The following LTBP1 variants were observed in gnomAD, a reference collection of about 807,000 sequenced individuals.
The protein encoded by LTBP1 is latent-transforming growth factor beta-binding protein 1.
In LTBP1, 129 loss-of-function variants were observed where a neutral mutation model predicts 207.6. The observed-to-expected ratio is 0.62, with a 90% CI of 0.54 to 0.72. The LOEUF is 0.72. Ranked by LOEUF, LTBP1 falls within the 30% of genes least tolerant of loss-of-function variation. The pLI is 0.00. For synonymous variants in LTBP1, 963 were observed against 833.7 expected (o/e 1.16, Z -2.67); for missense variants, 2,281 against 2,217.2 (o/e 1.03, Z -0.58).
intron 3 of LTBP1, among the ~76,000 whole-genome samples, chr2:33,024,396 G>T (rs2075316908): frequency 6.6e-6 from 1 of 152,182 alleles, no homozygotes; most frequent in African/African-American, 2.4e-5. Flanking sequence ...CCTGCGATAA[G>T]TGCATGAACC....
rs545298119 is a variant in LTBP1, at chr2:33,232,870, A to G, written c.1876+10719A>G. 2.0e-4 allele frequency among the ~76,000 whole-genome samples: 30 copies of G among 152,246 alleles called. No homozygotes were observed. In the South Asian group the frequency reaches 5.8e-3, roughly 29 times the overall value. On this transcript the variant is annotated intron_variant, in intron 9 of 33. Coordinates refer to ENST00000404816, the MANE Select transcript of LTBP1 (RefSeq NM_206943.4). ...TATAATGAGACTACTCGTGTGTACA[A>G]TTCCAGGTTGATAGTTGTTTTCTAG...
At chr2:33,073,630 T>A (rs941147974) in intron 3 of LTBP1, among the ~76,000 whole-genome samples, 2 of 151,934 alleles carry the variant, frequency 1.3e-5, no homozygotes, top group Non-Finnish European at 2.9e-5. Flanking sequence ...TTTTCTTCTT[T>A]CTTTCTTTTT....
At chr2:33,050,318 A>G (rs933678207) in intron 3 of LTBP1, among the ~76,000 whole-genome samples, 3 of 152,218 alleles carry the variant, frequency 2.0e-5, no homozygotes, top group South Asian at 2.1e-4. Context: ...TCTGTAGCAC[A>G]TTCAGGTGAC....
intron 2 of LTBP1, among the ~76,000 whole-genome samples, chr2:32,988,131 T>C (rs916354793): frequency 6.6e-6 from 1 of 152,218 alleles, no homozygotes; most frequent in African/African-American, 2.4e-5. Flanking sequence ...TTCAGAGGGA[T>C]TGTGGCCCTG....
intron 5 of LTBP1, among the ~76,000 whole-genome samples, chr2:33,156,233 C>G (rs1382233063): frequency 6.6e-6 from 1 of 152,162 alleles, no homozygotes; most frequent in Non-Finnish European, 1.5e-5. Flanking sequence ...GTTTTGAACC[C>G]AGATCCTTCA....
chr2:33,201,305 T>C (rs927087901), intron 7 of LTBP1, among the ~76,000 whole-genome samples: 2 of 152,040 alleles, frequency 1.3e-5, no homozygotes, highest in Non-Finnish European at 2.9e-5. Flanking sequence ...CCATAAAAAA[T>C]GATGAGTTCA....
intron 28 of LTBP1, 33 bp downstream of exon 28, chr2:33,361,548 A>AT: frequency 7.0e-7 from 1 of 1,426,940 alleles, no homozygotes; most frequent in Non-Finnish European, 9.9e-7. Flanking sequence ...TTTTCAGCAC[A>AT]TTGTGTACAT....
At chr2:32,995,788 C>T (rs1462864959) in intron 2 of LTBP1, among the ~76,000 whole-genome samples, 1 of 152,128 alleles carries the variant, frequency 6.6e-6, no homozygotes, top group Non-Finnish European at 1.5e-5. Context: ...GACTCTGTCT[C>T]AAAACAAACA....
chr2:33,334,318 C>T (rs1284306325), intron 24 of LTBP1, among the ~76,000 whole-genome samples: 1 of 152,240 alleles, frequency 6.6e-6, no homozygotes, highest in African/African-American at 2.4e-5. Flanking sequence ...GCCTCTATGC[C>T]ATTACCCATG....
In LTBP1 at chr2:33,039,054, C is replaced by T. The variant is rs142148095; in HGVS notation, c.863+17848C>T. 2.7e-3 allele frequency among the ~76,000 whole-genome samples: 407 copies of T among 152,266 alleles called. 2 individuals carry two copies. In the Middle Eastern group the frequency reaches 0.027, roughly 10 times the overall value. On this transcript the variant is annotated intron_variant, in intron 3 of 33. Transcript: ENST00000404816. Reference sequence around the variant, plus strand: ...TCATCTCCTGGTTCTTCATTTTGCTCAGTAGTTTCATTTGGGCAGTCTCTA... The same window carrying T: ...TCATCTCCTGGTTCTTCATTTTGCTTAGTAGTTTCATTTGGGCAGTCTCTA...
At chr2:32,961,581 C>T (rs964386641) in intron 2 of LTBP1, among the ~76,000 whole-genome samples, 7 of 152,078 alleles carry the variant, frequency 4.6e-5, no homozygotes, top group South Asian at 2.1e-4. Flanking sequence ...CTAATTTACA[C>T]GTTGAATTAG....
chr2:33,025,833 C>T (rs1008463619), intron 3 of LTBP1, among the ~76,000 whole-genome samples: 1 of 152,020 alleles, frequency 6.6e-6, no homozygotes, highest in Non-Finnish European at 1.5e-5. Flanking sequence ...ATAGGGGTTT[C>T]TTACAAAATT....
chr2:33,093,803 T>A (rs1385753187), intron 3 of LTBP1, among the ~76,000 whole-genome samples: 2 of 152,088 alleles, frequency 1.3e-5, no homozygotes, highest in East Asian at 1.9e-4. Context: ...ACAGTAATGA[T>A]GATGATGATT....
intron 3 of LTBP1, among the ~76,000 whole-genome samples, chr2:33,056,825 G>A (rs551012885): frequency 3.3e-5 from 5 of 152,112 alleles, no homozygotes; most frequent in East Asian, 3.9e-4. Context: ...AAGGGGACCC[G>A]GACGGGTTGC....
chr2:33,238,852 A>T (rs1573363876), intron 9 of LTBP1, among the ~76,000 whole-genome samples: 1 of 152,210 alleles, frequency 6.6e-6, no homozygotes, highest in Non-Finnish European at 1.5e-5. Flanking sequence ...TAGAAGGAAG[A>T]TGAAGGTCCT....
chr2:33,235,793 T>C (rs1006468731), intron 9 of LTBP1, among the ~76,000 whole-genome samples: 1 of 152,094 alleles, frequency 6.6e-6, no homozygotes, highest in Non-Finnish European at 1.5e-5. Context: ...CTTAGCAAAC[T>C]AACACAGAAG....
Position 32,974,169 on chromosome 2 carries a change from A to C in LTBP1, c.565+25224A>C, listed in dbSNP as rs563368227. On this transcript the variant is annotated intron_variant, in intron 2 of 33. Transcript: ENST00000404816. ...AGCTCAATTTTTAGTTTTTTGAGGA[A>C]CCTCCAAACTGTTCTCCATAGTGTT... Among the ~76,000 whole-genome samples, 32 of 152,290 alleles carry C rather than the reference A, an allele frequency of 2.1e-4. 1 individual carries two copies. Among genetic ancestry groups the C allele is most frequent in the South Asian group, 1.5e-3 (7 of 4,816 alleles).
At chr2:33,224,067 G>A (rs1278520579) in intron 9 of LTBP1, among the ~76,000 whole-genome samples, 2 of 152,134 alleles carry the variant, frequency 1.3e-5, no homozygotes, top group Non-Finnish European at 2.9e-5. Flanking sequence ...GGTAATGATA[G>A]CATCATAGAA....
intron 32 of LTBP1, among the ~76,000 whole-genome samples, chr2:33,395,908 T>TA (rs1333402035): frequency 3.1e-5 from 4 of 129,516 alleles, no homozygotes; most frequent in South Asian, 2.5e-4. Context: ...TAGCCATATA[T>TA]TTTTTTTTTT....
Sources: gnomAD v4.1 joint callset for allele counts (sites outside exome capture counted in the v4.1 genomes callset) on GRCh38, gnomAD v4.1.1 for gene constraint, MANE v1.5 for transcripts, NCBI Gene and HGNC (gene_info 2026-07-23, HGNC 2026-07-21) for gene names.